The following ADAMTS19 variants were observed in gnomAD, a reference collection of about 807,000 sequenced individuals.
ADAMTS19 encodes A disintegrin and metalloproteinase with thrombospondin motifs 19.
ADAMTS19 carries 93 observed loss-of-function variants against 153.3 expected under a neutral mutation model. The ratio of observed to expected loss-of-function variants is 0.61; its 90% CI spans 0.51 to 0.72. The LOEUF is 0.72. Among genes scored for constraint, ADAMTS19 ranks in the 30% least tolerant of loss-of-function variants. ADAMTS19 has a pLI of 0.00. For missense variants in ADAMTS19, 1,482 were observed against 1,552.1 expected (o/e 0.95, Z 0.76); for synonymous variants, 600 against 556.6 (o/e 1.08, Z -1.10).
At chr5:129,726,022 G>A (rs980438664) in intron 21 of ADAMTS19, among the ~76,000 whole-genome samples, 1 of 152,112 alleles carries the variant, frequency 6.6e-6, no homozygotes, top group East Asian at 1.9e-4. Context: ...AGGGATTATC[G>A]ACATCAACTT....
chr5:129,590,365 C>A (rs187084359), intron 7 of ADAMTS19, among the ~76,000 whole-genome samples: 28 of 152,154 alleles, frequency 1.8e-4, no homozygotes, highest in Middle Eastern at 3.4e-3. Context: ...GTGATTTCTA[C>A]GTGTTTTTAG....
intron 11 of ADAMTS19, among the ~76,000 whole-genome samples, chr5:129,642,301 T>A (rs1404769066): frequency 6.6e-6 from 1 of 152,072 alleles, no homozygotes; most frequent in Admixed American, 6.6e-5. Context: ...ATGGTAAAAT[T>A]TCTCATTGCC....
chr5:129,607,970 T>C (rs915987329), intron 8 of ADAMTS19, among the ~76,000 whole-genome samples: 2 of 149,258 alleles, frequency 1.3e-5, no homozygotes, highest in African/African-American at 4.9e-5. Context: ...CACACATATA[T>C]ATATTTCCAT....
chr5:129,579,851 G>C (rs1749421987), intron 7 of ADAMTS19, among the ~76,000 whole-genome samples: 1 of 152,062 alleles, frequency 6.6e-6, no homozygotes, highest in Admixed American at 6.6e-5. Flanking sequence ...TTCTAGTATA[G>C]TTTGAAGACA....
At chr5:129,478,338 C>T (rs1750293743) in intron 2 of ADAMTS19, among the ~76,000 whole-genome samples, 1 of 152,028 alleles carries the variant, frequency 6.6e-6, no homozygotes, top group Non-Finnish European at 1.5e-5. Flanking sequence ...CTTATTTTAT[C>T]TTTTAATAAT....
intron 7 of ADAMTS19, among the ~76,000 whole-genome samples, chr5:129,576,717 T>G (rs1417375105): frequency 6.6e-6 from 1 of 152,076 alleles, no homozygotes; most frequent in African/African-American, 2.4e-5. Flanking sequence ...CACTACTCTC[T>G]GAAACTTTTT....
chr5:129,711,992 T>C (rs1448046113), intron 21 of ADAMTS19, among the ~76,000 whole-genome samples: 1 of 152,088 alleles, frequency 6.6e-6, no homozygotes, highest in Non-Finnish European at 1.5e-5. Context: ...TTTCAAAGAA[T>C]AGTTATGTAA....
chr5:129,612,438 C>T (rs1376519612), intron 8 of ADAMTS19, among the ~76,000 whole-genome samples: 2 of 151,924 alleles, frequency 1.3e-5, no homozygotes, highest in Admixed American at 6.6e-5. Flanking sequence ...TCCAGCCAAA[C>T]TAAGCTTCAT....
At chr5:129,688,693 A>C (rs975104590) in intron 18 of ADAMTS19, among the ~76,000 whole-genome samples, 3 of 152,142 alleles carry the variant, frequency 2.0e-5, no homozygotes, top group Non-Finnish European at 4.4e-5. Flanking sequence ...AAGTTATCAC[A>C]CTTTCCGTCA....
At chr5:129,598,850 C>A (rs1237880303) in intron 8 of ADAMTS19, among the ~76,000 whole-genome samples, 1 of 152,154 alleles carries the variant, frequency 6.6e-6, no homozygotes, top group Non-Finnish European at 1.5e-5. Flanking sequence ...TATCCAAGTC[C>A]AGCAGTTGGT....
chr5:129,536,766 A>G (rs528655329), intron 6 of ADAMTS19, among the ~76,000 whole-genome samples: 93 of 152,306 alleles, frequency 6.1e-4, no homozygotes, highest in African/African-American at 2.1e-3. Flanking sequence ...TTGTAGGGAC[A>G]TGGATGAAAT....
chr5:129,610,685 A>G (rs1253266737), intron 8 of ADAMTS19, among the ~76,000 whole-genome samples: 1 of 152,142 alleles, frequency 6.6e-6, no homozygotes, highest in African/African-American at 2.4e-5. Context: ...AATCCAATCT[A>G]TCACTGTTGG....
At chr5:129,483,545 C>T (rs1195878514) in intron 2 of ADAMTS19, among the ~76,000 whole-genome samples, 1 of 152,086 alleles carries the variant, frequency 6.6e-6, no homozygotes, top group Non-Finnish European at 1.5e-5. Flanking sequence ...CAGATTTCTC[C>T]CTGGTATGTG....
intron 13 of ADAMTS19, among the ~76,000 whole-genome samples, chr5:129,652,640 G>A (rs1053294076): frequency 7.2e-5 from 11 of 152,164 alleles, no homozygotes; most frequent in African/African-American, 2.4e-4. Flanking sequence ...TATGTCATCT[G>A]TACAGCTAAA....
At chr5:129,535,256 C>T (rs1033418382) in intron 6 of ADAMTS19, among the ~76,000 whole-genome samples, 2 of 152,148 alleles carry the variant, frequency 1.3e-5, no homozygotes, top group Non-Finnish European at 2.9e-5. Context: ...CACAAGCATT[C>T]TTATACACCA....
intron 16 of ADAMTS19, among the ~76,000 whole-genome samples, chr5:129,668,550 C>T (rs1754154319): frequency 6.6e-6 from 1 of 152,168 alleles, no homozygotes; most frequent in African/African-American, 2.4e-5. Flanking sequence ...GGACACTAAT[C>T]CCAATTATAA....
chr5:129,672,347 C>T (rs990774102), intron 16 of ADAMTS19, among the ~76,000 whole-genome samples: 5 of 152,074 alleles, frequency 3.3e-5, no homozygotes, highest in Admixed American at 2.0e-4. Flanking sequence ...CTTAACACCT[C>T]TGAACTGGAA....
intron 6 of ADAMTS19, among the ~76,000 whole-genome samples, chr5:129,535,180 A>C (rs910561556): frequency 2.6e-5 from 4 of 152,204 alleles, no homozygotes; most frequent in African/African-American, 7.2e-5. Context: ...ATCTCAGCCC[A>C]AAATCTCCTT....
rs1462141601 is a variant in ADAMTS19, at chr5:129,738,384, A to G, written c.*1166A>G. 1 of 152,014 alleles carries G rather than the reference A, an allele frequency of 6.6e-6. No homozygotes were observed. The highest frequency in any genetic ancestry group is 1.9e-4 in the East Asian group (1 of 5,172). 9.4% of individuals were successfully genotyped at this position (152,014 alleles called of 1,614,324 possible). ...TGTCACATATCCACATGTCTGATGA[A>G]CAAAGGTACTGTCTACTTTTGTTCT... On this transcript the variant is annotated 3_prime_UTR_variant, in exon 23 of 23. Transcript: ENST00000274487.
Sources: allele counts gnomAD v4.1 joint callset (sites outside exome capture counted in the v4.1 genomes callset), GRCh38; gene constraint gnomAD v4.1.1; transcripts MANE v1.5; gene names NCBI Gene and HGNC (gene_info 2026-07-23, HGNC 2026-07-21).